AASDH: variants seen among roughly 807,000 people sequenced by gnomAD.
The protein encoded by AASDH is aminoadipate-semialdehyde dehydrogenase.
A neutral mutation model predicts 102.3 loss-of-function variants in AASDH; 81 were observed. The ratio of observed to expected loss-of-function variants is 0.79; its 90% CI spans 0.66 to 0.95. The LOEUF (loss-of-function observed/expected upper bound fraction) is 0.95, where lower values mean the gene tolerates loss of function less well. Among genes scored for constraint, AASDH ranks in the 40% least tolerant of loss-of-function variants. The probability of loss-of-function intolerance (pLI) is 0.00; values close to 1 mark genes in which losing one functional copy is unlikely to be tolerated. For synonymous variants in AASDH, 398 were observed against 454.0 expected (o/e 0.88, Z 1.57); for missense variants, 1,203 against 1,266.2 (o/e 0.95, Z 0.76).
At chr4:56,353,060 G>A (rs977193148) in intron 9 of AASDH, among the ~76,000 whole-genome samples, 1 of 151,286 alleles carries the variant, frequency 6.6e-6, no homozygotes, top group African/African-American at 2.4e-5. Flanking sequence ...GTTATTTACA[G>A]GCACAAACAT....
chr4:56,361,763 G>A (rs889594084), intron 5 of AASDH, among the ~76,000 whole-genome samples: 1 of 152,064 alleles, frequency 6.6e-6, no homozygotes. Flanking sequence ...TTGAGCCCAG[G>A]AGTTCAAGAC....
At chr4:56,353,268 A>C in intron 9 of AASDH, 136 bp downstream of exon 9, 2 of 652,214 alleles carry the variant, frequency 3.1e-6, no homozygotes, top group Non-Finnish European at 4.8e-6. Context: ...AATTAGACAA[A>C]GCAGTCAAAA....
At position 56,359,086 on chromosome 4, in the gene AASDH, G is replaced by A. The variant is rs1363097725; in HGVS notation, c.862-3663C>T. Among the ~76,000 whole-genome samples, 5 of 147,094 alleles carry A rather than the reference G, an allele frequency of 3.4e-5. No homozygotes were observed. The Admixed American group carries it at 3.4e-4, about 10-fold the overall frequency. On this transcript the variant is annotated intron_variant, in intron 5 of 14. Transcript: ENST00000205214. ...CCTTATAAAATTGTTATTGTTGCTTGCTTTTTTTTGTTGTTGTTGTTTTTG... is the reference window on the plus strand; with the variant it reads ...CCTTATAAAATTGTTATTGTTGCTTACTTTTTTTTGTTGTTGTTGTTTTTG...
intron 5 of AASDH, among the ~76,000 whole-genome samples, chr4:56,357,614 T>C (rs1203692864): frequency 1.3e-5 from 2 of 150,090 alleles, no homozygotes; most frequent in Non-Finnish European, 3.0e-5. Flanking sequence ...TAATCTTGTA[T>C]AATTCCATTA....
intron 5 of AASDH, among the ~76,000 whole-genome samples, chr4:56,361,324 A>AGGTGGTGGAG (rs1750263804): frequency 6.6e-6 from 1 of 152,046 alleles, no homozygotes. Context: ...CATGAGAATC[A>AGGTGGTGGAG]CTTGAACCCA....
At chr4:56,385,510 C>T (rs1464976932) in intron 1 of AASDH, among the ~76,000 whole-genome samples, 3 of 152,114 alleles carry the variant, frequency 2.0e-5, no homozygotes, top group Admixed American at 2.0e-4. Flanking sequence ...ACAGTGTTTC[C>T]TTAAAGGTGA....
chr4:56,367,966 T>C (rs1751224053), intron 5 of AASDH, among the ~76,000 whole-genome samples: 1 of 151,958 alleles, frequency 6.6e-6, no homozygotes, highest in South Asian at 2.1e-4. Context: ...TGCAACCTAC[T>C]CATCTGACAA....
chr4:56,383,983 A>T (rs1300314813), intron 2 of AASDH, 87 bp downstream of exon 2: 1 of 1,174,890 alleles, frequency 8.5e-7, no homozygotes, highest in Non-Finnish European at 1.2e-6. Flanking sequence ...GTCCAATAGT[A>T]AACAGAACAA....
chr4:56,360,039 C>T (rs1004889612), intron 5 of AASDH, among the ~76,000 whole-genome samples: 2 of 152,152 alleles, frequency 1.3e-5, no homozygotes, highest in African/African-American at 4.8e-5. Flanking sequence ...AAGGTCACAG[C>T]TTATAAAATA....
intron 5 of AASDH, among the ~76,000 whole-genome samples, chr4:56,365,661 T>C (rs1333092410): frequency 3.3e-5 from 5 of 152,140 alleles, no homozygotes; most frequent in African/African-American, 1.2e-4. Context: ...AAGATGTTCT[T>C]TGAAACCAAC....
In AASDH at chr4:56,363,139, C is replaced by T. The variant is rs565590810; in HGVS notation, c.862-7716G>A. Among the ~76,000 whole-genome samples, 4 of 152,346 alleles carry T rather than the reference C, an allele frequency of 2.6e-5. No homozygotes were observed. The South Asian group carries it at 8.3e-4, about 32-fold the overall frequency. Reference sequence around the variant, plus strand: ...CCTGGCTCATTGCTAGCACAGCAGTCTGAGATCAAACCGCAAGGCGGCAGC... The same window carrying T: ...CCTGGCTCATTGCTAGCACAGCAGTTTGAGATCAAACCGCAAGGCGGCAGC... On this transcript the variant is annotated intron_variant, in intron 5 of 14. Transcript: ENST00000205214.
intron 3 of AASDH, chr4:56,381,976 G>A (rs1390454145): frequency 2.0e-5 from 3 of 152,134 alleles, no homozygotes; most frequent in African/African-American, 7.2e-5. Flanking sequence ...CTAAGTACCA[G>A]TCTCTTTTTC....
intron 5 of AASDH, among the ~76,000 whole-genome samples, chr4:56,360,066 A>G (rs1400850352): frequency 1.3e-5 from 2 of 152,030 alleles, no homozygotes; most frequent in Non-Finnish European, 2.9e-5. Context: ...AAGTAGAATG[A>G]CTCTACATCC....
chr4:56,355,249 T>C lies in AASDH; in HGVS notation c.1036A>G (p.Ile346Val), dbSNP rs1368246283. 8 of 1,614,004 alleles carry C rather than the reference T, an allele frequency of 5.0e-6. No individual in the cohort carries two copies. The highest frequency in any genetic ancestry group is 6.8e-6 in the Non-Finnish European group (8 of 1,179,976). ...GTCGCCCAACTTGATACCTCTGTGA[T>C]ACCATAAACATTAAATATTTGTGTT... ...NKTQIFNVYG[I>V]TEVSSWATIY... The change falls in exon 6 of 15, where the codon ATC becomes GTC. Residue 346 changes from isoleucine to valine, a missense_variant. Ile to Val is a conservative substitution (Grantham distance 29, BLOSUM62 3). Coordinates refer to ENST00000205214, the MANE Select transcript of AASDH (RefSeq NM_181806.4).
rs778887742 is a variant in AASDH at position 56,378,235 on chromosome 4, T to C, written c.581A>G (p.Tyr194Cys). The change falls in exon 4 of 15, where the codon TAT becomes TGT. Residue 194 changes from tyrosine (Y) to cysteine (C), a missense_variant. Transcript: ENST00000205214. ...TGTAGTCCCTGATGTATGTAGAACATAGGCTAAGCAATGCTTTAGCCTCAG... is the reference window on the plus strand; with the variant it reads ...TGTAGTCCCTGATGTATGTAGAACACAGGCTAAGCAATGCTTTAGCCTCAG... ...MDLRLKHCLA[Y>C]VLHTSGTTGI... 5.6e-6 allele frequency: 9 copies of C among 1,614,194 alleles called. No individual in the cohort carries two copies. The highest frequency in any genetic ancestry group is 2.7e-5 in the African/African-American group (2 of 75,070).
At position 56,338,780 on chromosome 4, in the gene AASDH, G is replaced by A. The variant is rs749354656; in HGVS notation, c.2919C>T (p.Phe973=). The change falls in exon 15 of 15, where the codon TTC becomes TTT. Residue 973 remains phenylalanine (F), a synonymous_variant. Coordinates refer to ENST00000205214, the MANE Select transcript of AASDH (RefSeq NM_181806.4). ...ATGAAAAGATTGGTCCACTGGTAGAGAACTGCCAAACCTATAACAAGTAAT... is the reference window on the plus strand; with the variant it reads ...ATGAAAAGATTGGTCCACTGGTAGAAAACTGCCAAACCTATAACAAGTAAT... ...FTHFGEQVWQ[F]STSGPIFSSP... 1.1e-5 allele frequency: 18 copies of A among 1,613,712 alleles called. No homozygotes were observed. In the African/African-American group the frequency reaches 2.0e-4, roughly 18 times the overall value.
At chr4:56,367,226 A>G (rs1443374214) in intron 5 of AASDH, among the ~76,000 whole-genome samples, 2 of 151,984 alleles carry the variant, frequency 1.3e-5, no homozygotes, top group Non-Finnish European at 2.9e-5. Flanking sequence ...GAGGATACAA[A>G]CAAATGGAAG....
intron 14 of AASDH, among the ~76,000 whole-genome samples, chr4:56,341,312 G>A (rs894668062): frequency 6.0e-5 from 9 of 150,772 alleles, no homozygotes; most frequent in African/African-American, 2.2e-4. Context: ...TATAGATGCA[G>A]TGAAATACTA....
chr4:56,341,097 T>C (rs7663347), intron 14 of AASDH, among the ~76,000 whole-genome samples: 1 of 152,150 alleles, frequency 6.6e-6, no homozygotes, highest in Admixed American at 6.5e-5. Context: ...GAAAACAGTA[T>C]GGAGATTTCT....
Sources: gnomAD v4.1 joint callset for allele counts (sites outside exome capture counted in the v4.1 genomes callset) on GRCh38, gnomAD v4.1.1 for gene constraint, MANE v1.5 for transcripts, NCBI Gene and HGNC (gene_info 2026-07-23, HGNC 2026-07-21) for gene names.